The following ANO4 variants were observed in gnomAD, a reference collection of about 807,000 sequenced individuals.
The protein encoded by ANO4 is anoctamin-4.
A neutral mutation model predicts 141.9 loss-of-function variants in ANO4; 69 were observed. The ratio of observed to expected loss-of-function variants is 0.49; its 90% CI spans 0.40 to 0.59. ANO4 has a LOEUF of 0.59. Among genes scored for constraint, ANO4 ranks in the 20% least tolerant of loss-of-function variants. The pLI is 0.00. For synonymous variants in ANO4, 350 were observed against 394.3 expected (o/e 0.89, Z 1.33); for missense variants, 894 against 1,162.2 (o/e 0.77, Z 3.36).
chr12:100,942,543 G>T lies in ANO4; in HGVS notation c.456+8G>T. ...TTGCAAATGGAGAAAGAGGTAAATA[G>T]TTTGCTTGGATGAGAAAAAAATATA... On this transcript the variant is annotated splice_region_variant and intron_variant, in intron 5 of 27. Transcript: ENST00000392977. 6.2e-7 allele frequency: 1 copy of T among 1,610,030 alleles called. No individual in the cohort carries two copies. The highest frequency in any genetic ancestry group is 8.5e-7 in the Non-Finnish European group (1 of 1,178,862).
rs536541287 is a variant in ANO4 at position 100,993,702 on chromosome 12, A to AT, written c.734+6038dup. Among the ~76,000 whole-genome samples, 420 of 152,236 alleles carry AT rather than the reference A, an allele frequency of 2.8e-3. 7 individuals carry two copies. Among genetic ancestry groups the AT allele is most frequent in the African/African-American group, 9.0e-3 (373 of 41,544 alleles). On this transcript the variant is annotated intron_variant, in intron 8 of 27. Coordinates refer to ENST00000392977, the MANE Select transcript of ANO4 (RefSeq NM_001286615.2). ...AGACAAGGAAAAAGAGAGATGAGTG[A>AT]TTTTTTAGGAAATTTTTATGGGCCA...
At chr12:101,114,993 G>A (rs1459850751) in intron 24 of ANO4, among the ~76,000 whole-genome samples, 4 of 152,062 alleles carry the variant, frequency 2.6e-5, no homozygotes, top group Non-Finnish European at 5.9e-5. Context: ...TCTTGAGCAC[G>A]ATAACATGCA....
intron 8 of ANO4, among the ~76,000 whole-genome samples, chr12:101,000,553 T>C (rs866759995): frequency 3.9e-5 from 6 of 152,190 alleles, no homozygotes. Flanking sequence ...CTTAAAGCAG[T>C]CTCTGAACAC....
intron 9 of ANO4, among the ~76,000 whole-genome samples, chr12:101,028,365 G>T (rs2046830177): frequency 6.6e-6 from 1 of 152,104 alleles, no homozygotes; most frequent in African/African-American, 2.4e-5. Flanking sequence ...CAGAAGATGG[G>T]TAACAAAAAA....
At chr12:100,736,192 G>C (rs1407829291) in intron 2 of ANO4, among the ~76,000 whole-genome samples, 1 of 152,174 alleles carries the variant, frequency 6.6e-6, no homozygotes, top group Admixed American at 6.5e-5. Flanking sequence ...GAGGAGGGCT[G>C]TGAGTAGAGA....
intron 22 of ANO4, among the ~76,000 whole-genome samples, chr12:101,105,447 G>A (rs933658741): frequency 6.6e-6 from 1 of 152,210 alleles, no homozygotes; most frequent in Non-Finnish European, 1.5e-5. Context: ...CATTTAAAAT[G>A]TAAAAACTAT....
At chr12:100,998,732 T>C (rs2045504752) in intron 8 of ANO4, among the ~76,000 whole-genome samples, 1 of 152,162 alleles carries the variant, frequency 6.6e-6, no homozygotes, top group South Asian at 2.1e-4. Flanking sequence ...CAGAAAGCTC[T>C]CTCACACTAG....
At chr12:101,116,400 A>C (rs73389118) in intron 24 of ANO4, among the ~76,000 whole-genome samples, 2,110 of 152,320 alleles carry the variant, frequency 0.014, 55 homozygotes, top group African/African-American at 0.049. Context: ...CCATCATGTA[A>C]TGCTGCTTTT....
rs200014647 is a variant in ANO4, at chr12:101,079,176, T to C, written c.1313-17T>C. 1 of 1,611,036 alleles carries C rather than the reference T, an allele frequency of 6.2e-7. No homozygotes were observed. The highest frequency in any genetic ancestry group is 8.5e-7 in the Non-Finnish European group (1 of 1,177,230). ...CTTTTATTCAAAAATGTCTTTGTCTTTCTCTGCTTGTTCCAGCAACAGTTT... is the reference window on the plus strand; with the variant it reads ...CTTTTATTCAAAAATGTCTTTGTCTCTCTCTGCTTGTTCCAGCAACAGTTT... On this transcript the variant is annotated splice_polypyrimidine_tract_variant and intron_variant, in intron 14 of 27. Coordinates refer to ENST00000392977, the MANE Select transcript of ANO4 (RefSeq NM_001286615.2).
intron 1 of ANO4, among the ~76,000 whole-genome samples, chr12:100,900,795 T>C (rs2040560475): frequency 6.6e-6 from 1 of 152,222 alleles, no homozygotes; most frequent in East Asian, 1.9e-4. Flanking sequence ...GTGAAGAATT[T>C]TCCCTCATCA....
At chr12:100,772,568 T>C (rs1369584025) in intron 3 of ANO4, among the ~76,000 whole-genome samples, 1 of 152,166 alleles carries the variant, frequency 6.6e-6, no homozygotes, top group Non-Finnish European at 1.5e-5. Flanking sequence ...TCCTGATACT[T>C]CCCGAAATAT....
At chr12:101,052,836 A>T (rs2047928780) in intron 14 of ANO4, among the ~76,000 whole-genome samples, 3 of 152,220 alleles carry the variant, frequency 2.0e-5, no homozygotes, top group Admixed American at 1.3e-4. Context: ...TCAATTTCTC[A>T]TCACCCATTA....
At chr12:101,069,054 A>G (rs1156959061) in intron 14 of ANO4, 10 of 849,528 alleles carry the variant, frequency 1.2e-5, no homozygotes, top group Non-Finnish European at 2.0e-5. Context: ...CACTAGGAGG[A>G]GTGCTGCCAG....
chr12:101,070,835 T>C (rs1034034738), intron 14 of ANO4, among the ~76,000 whole-genome samples: 2 of 152,028 alleles, frequency 1.3e-5, no homozygotes, highest in African/African-American at 4.8e-5. Flanking sequence ...AAAGACCTAA[T>C]AATACTGTTT....
chr12:100,766,263 C>A (rs1273739655), intron 3 of ANO4, among the ~76,000 whole-genome samples: 1 of 151,154 alleles, frequency 6.6e-6, no homozygotes, highest in East Asian at 1.9e-4. Flanking sequence ...ATGCTTTGAT[C>A]TTAGTTCTGT....
At chr12:101,071,191 A>T (rs992480367) in intron 14 of ANO4, among the ~76,000 whole-genome samples, 2 of 152,174 alleles carry the variant, frequency 1.3e-5, no homozygotes, top group African/African-American at 4.8e-5. Context: ...AAAGGAAATC[A>T]ATATATTGAA....
intron 9 of ANO4, among the ~76,000 whole-genome samples, chr12:101,029,000 A>C (rs958662526): frequency 6.6e-6 from 1 of 152,248 alleles, no homozygotes; most frequent in African/African-American, 2.4e-5. Flanking sequence ...AAACTCCACA[A>C]GTCAGAAGAG....
chr12:100,974,253 C>T (rs2044058550), intron 6 of ANO4, among the ~76,000 whole-genome samples: 1 of 152,020 alleles, frequency 6.6e-6, no homozygotes, highest in Non-Finnish European at 1.5e-5. Context: ...TCATCTAAAG[C>T]CAGGGCCAGT....
chr12:100,797,102 A>G (rs1403130054), intron 1 of ANO4, among the ~76,000 whole-genome samples: 1 of 150,864 alleles, frequency 6.6e-6, no homozygotes, highest in Non-Finnish European at 1.5e-5. Flanking sequence ...TTGTATATAT[A>G]TGTGCAATTG....
Sources: allele counts gnomAD v4.1 joint callset (sites outside exome capture counted in the v4.1 genomes callset), GRCh38; gene constraint gnomAD v4.1.1; transcripts MANE v1.5; gene names NCBI Gene and HGNC (gene_info 2026-07-23, HGNC 2026-07-21).